Variants in CDH23 observed in about 807,000 individuals in gnomAD.
CDH23 encodes the protein cadherin-23.
A neutral mutation model predicts 317.1 loss-of-function variants in CDH23; 189 were observed. The observed-to-expected ratio is 0.60, with a 90% CI of 0.53 to 0.67. The LOEUF (loss-of-function observed/expected upper bound fraction) is 0.67, where lower values mean the gene tolerates loss of function less well. CDH23 is among the 30% of genes least tolerant of loss of function. The pLI, the probability that CDH23 is intolerant of heterozygous loss-of-function variation, is 0.00. For synonymous variants in CDH23, 1,839 were observed against 1,876.8 expected (o/e 0.98, Z 0.52); for missense variants, 4,401 against 4,592.4 (o/e 0.96, Z 1.20).
At chr10:71,576,620 G>C (rs964591772) in intron 8 of CDH23, among the ~76,000 whole-genome samples, 4 of 152,162 alleles carry the variant, frequency 2.6e-5, no homozygotes, top group African/African-American at 9.7e-5. Flanking sequence ...CATTTCCCTA[G>C]GGGGTGGGGA....
intron 14 of CDH23, among the ~76,000 whole-genome samples, chr10:71,671,382 C>A (rs1352592498): frequency 6.6e-6 from 1 of 152,146 alleles, no homozygotes; most frequent in Non-Finnish European, 1.5e-5. Flanking sequence ...TGCAGGGAGA[C>A]AGAGATGCTC....
At chr10:71,802,571 A>C (rs189054631) in intron 53 of CDH23, among the ~76,000 whole-genome samples, 1 of 152,256 alleles carries the variant, frequency 6.6e-6, no homozygotes, top group African/African-American at 2.4e-5. Flanking sequence ...GGGGAGCAGC[A>C]AGGAATAAAG....
chr10:71,507,329 T>A (rs1192711139), intron 3 of CDH23, among the ~76,000 whole-genome samples: 7 of 152,200 alleles, frequency 4.6e-5, no homozygotes, highest in African/African-American at 1.7e-4. Flanking sequence ...AAATGTATAC[T>A]CCTAGAAGTC....
chr10:71,712,905 G>A, intron 28 of CDH23, 92 bp downstream of exon 28: 1 of 1,471,562 alleles, frequency 6.8e-7, no homozygotes. Flanking sequence ...GGCACCAGAG[G>A]CGGAAGCAGG....
chr10:71,498,244 G>A (rs1449048945), intron 3 of CDH23, among the ~76,000 whole-genome samples: 4 of 152,172 alleles, frequency 2.6e-5, no homozygotes, highest in Non-Finnish European at 4.4e-5. Flanking sequence ...CAGCCTTAAA[G>A]GCAGGGACTT....
chr10:71,800,563 T>C (rs112336564), intron 52 of CDH23, 73 bp from the exon 53 acceptor site: 33 of 1,511,518 alleles, frequency 2.2e-5, no homozygotes, highest in African/African-American at 1.4e-4. Flanking sequence ...CATAACAGCA[T>C]CTGGCCATAG....
chr10:71,533,528 C>CAA (rs1855523927), intron 6 of CDH23, among the ~76,000 whole-genome samples: 1 of 53,752 alleles, frequency 1.9e-5, no homozygotes, highest in Non-Finnish European at 4.9e-5. Flanking sequence ...CTGGACACCA[C>CAA]ACACACACAC....
chr10:71,709,823 A>T (rs1390926267), intron 27 of CDH23, among the ~76,000 whole-genome samples: 1 of 152,108 alleles, frequency 6.6e-6, no homozygotes, highest in Non-Finnish European at 1.5e-5. Context: ...TAATTTATAC[A>T]GGAAAAAGGG....
intron 3 of CDH23, among the ~76,000 whole-genome samples, chr10:71,469,874 G>A (rs915294593): frequency 1.3e-5 from 2 of 152,130 alleles, no homozygotes; most frequent in African/African-American, 4.8e-5. Context: ...CAAAGTGCAG[G>A]GATTACAGGT....
intron 32 of CDH23, 82 bp downstream of exon 32, chr10:71,732,457 C>T: frequency 1.3e-6 from 2 of 1,524,086 alleles, no homozygotes; most frequent in Non-Finnish European, 1.8e-6. Flanking sequence ...ACAGCACTCT[C>T]CTCTTTGTCA....
intron 38 of CDH23, among the ~76,000 whole-genome samples, chr10:71,763,011 G>GTA (rs1840435176): frequency 6.6e-6 from 1 of 151,956 alleles, no homozygotes; most frequent in African/African-American, 2.4e-5. Flanking sequence ...CTAACTGTAT[G>GTA]AGCCTCAGTT....
chr10:71,460,890 G>A (rs1850946453), intron 3 of CDH23, among the ~76,000 whole-genome samples: 1 of 152,216 alleles, frequency 6.6e-6, no homozygotes, highest in African/African-American at 2.4e-5. Flanking sequence ...AGAGCCTGTG[G>A]ACACATCTCT....
chr10:71,535,032 C>G (rs2132271768), intron 6 of CDH23, among the ~76,000 whole-genome samples: 1 of 152,356 alleles, frequency 6.6e-6, no homozygotes, highest in African/African-American at 2.4e-5. Context: ...GCTCACTTTG[C>G]CTGTGCCCTC....
rs182822340 is a variant in CDH23 at position 71,490,023 on chromosome 10, G to T, written c.146-20059G>T. Among the ~76,000 whole-genome samples, 630 of 148,912 alleles carry T rather than the reference G, an allele frequency of 4.2e-3. 3 individuals are homozygous for T. Among genetic ancestry groups the T allele is most frequent in the African/African-American group, 0.015 (599 of 38,914 alleles). ...GAGGTTCTTTGGGGTGCCTGCTTGAGGGGGGTGTTTCCTATTAGACCCCTA... is the reference window on the plus strand; with the variant it reads ...GAGGTTCTTTGGGGTGCCTGCTTGATGGGGGTGTTTCCTATTAGACCCCTA... On this transcript the variant is annotated intron_variant, in intron 3 of 69. Coordinates refer to ENST00000224721, the MANE Select transcript of CDH23 (RefSeq NM_022124.6).
intron 3 of CDH23, among the ~76,000 whole-genome samples, chr10:71,467,702 A>G (rs937923344): frequency 6.6e-6 from 1 of 150,544 alleles, no homozygotes; most frequent in Non-Finnish European, 1.5e-5. Context: ...GGATGATCAT[A>G]TCTACTATAC....
At chr10:71,730,274 G>A (rs1008006907) in intron 30 of CDH23, among the ~76,000 whole-genome samples, 195 bp from the exon 31 acceptor site, 1 of 152,232 alleles carries the variant, frequency 6.6e-6, no homozygotes, top group Admixed American at 6.5e-5. Flanking sequence ...AGTAATGTTT[G>A]AGCACCTGCC....
intron 6 of CDH23, among the ~76,000 whole-genome samples, chr10:71,518,145 G>T (rs533456564): frequency 1.5e-4 from 23 of 152,008 alleles, no homozygotes; most frequent in African/African-American, 5.6e-4. Context: ...TCTTTCATTT[G>T]TCCTCATGAC....
intron 14 of CDH23, among the ~76,000 whole-genome samples, chr10:71,671,956 T>G (rs983461326): frequency 1.3e-5 from 2 of 152,110 alleles, no homozygotes; most frequent in Non-Finnish European, 2.9e-5. Context: ...GACGTACCTT[T>G]CTTGAGCTGC....
intron 17 of CDH23, among the ~76,000 whole-genome samples, chr10:71,682,198 C>T (rs986932170): frequency 6.6e-6 from 1 of 152,236 alleles, no homozygotes; most frequent in Admixed American, 6.5e-5. Context: ...AGCTTGGTTT[C>T]TTCATCTGTA....
Sources: gnomAD v4.1 joint callset for allele counts (sites outside exome capture counted in the v4.1 genomes callset) on GRCh38, gnomAD v4.1.1 for gene constraint, MANE v1.5 for transcripts, NCBI Gene and HGNC (gene_info 2026-07-23, HGNC 2026-07-21) for gene names.